The following NELL1 variants were observed in gnomAD, a reference collection of about 807,000 sequenced individuals.
The protein encoded by NELL1 is protein kinase C-binding protein NELL1.
NELL1 carries 76 observed loss-of-function variants against 107.4 expected under a neutral mutation model. The observed-to-expected ratio is 0.71, with a 90% CI of 0.59 to 0.86. NELL1 has a LOEUF of 0.86. Among genes scored for constraint, NELL1 ranks in the 40% least tolerant of loss-of-function variants. The pLI, the probability that NELL1 is intolerant of heterozygous loss-of-function variation, is 0.00. For synonymous variants in NELL1, 353 were observed against 341.2 expected, an observed-to-expected ratio of 1.03 and a Z score of -0.38; for missense variants, 1,024 against 1,005.5, an observed-to-expected ratio of 1.02 and a Z score of -0.25.
intron 2 of NELL1, among the ~76,000 whole-genome samples, chr11:20,755,865 GTTTTTTTTTTTTTTTTTTTTTTT>G (rs574606148): frequency 6.6e-5 from 8 of 122,066 alleles, no homozygotes; most frequent in African/African-American, 1.7e-4. Context: ...CAGACCTGCG[GTTTTTTTTTTTTTTTTTTTTTTT>G]TTTTTTTTTT....
At chr11:21,404,208 A>G (rs1401775511) in intron 15 of NELL1, among the ~76,000 whole-genome samples, 2 of 151,930 alleles carry the variant, frequency 1.3e-5, no homozygotes, top group Middle Eastern at 3.4e-3. Context: ...GATTGCAAAC[A>G]ATATCTCAGT....
intron 5 of NELL1, among the ~76,000 whole-genome samples, chr11:20,895,651 G>A (rs1849720259): frequency 6.6e-6 from 1 of 151,874 alleles, no homozygotes; most frequent in African/African-American, 2.4e-5. Flanking sequence ...GATTACAGGT[G>A]TGTGCCACCA....
intron 13 of NELL1, among the ~76,000 whole-genome samples, chr11:21,192,137 G>A (rs76715938): frequency 0.064 from 9,684 of 151,624 alleles, 409 homozygotes; most frequent in Non-Finnish European, 0.093. Context: ...ATTTCATATG[G>A]CAGGGATGTG....
chr11:20,859,422 G>A (rs935959637), intron 4 of NELL1, among the ~76,000 whole-genome samples: 2 of 152,166 alleles, frequency 1.3e-5, no homozygotes, highest in African/African-American at 4.8e-5. Context: ...CATTGTCCTT[G>A]TAAGATTTGT....
At chr11:21,165,411 A>T (rs1670639) in intron 13 of NELL1, among the ~76,000 whole-genome samples, 4 of 152,220 alleles carry the variant, frequency 2.6e-5, no homozygotes, top group African/African-American at 9.6e-5. Flanking sequence ...TCTAAGAGGC[A>T]ACTTGACAAT....
intron 2 of NELL1, among the ~76,000 whole-genome samples, chr11:20,766,616 T>C (rs1005907447): frequency 6.6e-6 from 1 of 152,226 alleles, no homozygotes; most frequent in Non-Finnish European, 1.5e-5. Flanking sequence ...TTTGAATCTC[T>C]CTTTTGTCAA....
At chr11:21,230,789 T>G (rs1214209824) in intron 14 of NELL1, among the ~76,000 whole-genome samples, 2 of 146,164 alleles carry the variant, frequency 1.4e-5, no homozygotes, top group Non-Finnish European at 3.0e-5. Flanking sequence ...AATACATGAC[T>G]ATGAGTGTAA....
intron 14 of NELL1, among the ~76,000 whole-genome samples, chr11:21,313,672 G>A (rs1246447366): frequency 2.6e-5 from 4 of 152,130 alleles, no homozygotes; most frequent in Non-Finnish European, 5.9e-5. Context: ...TTGCTGGTGG[G>A]GGCTCACAGC....
chr11:21,505,950 C>G (rs1399165509), intron 15 of NELL1, among the ~76,000 whole-genome samples: 1 of 152,134 alleles, frequency 6.6e-6, no homozygotes, highest in African/African-American at 2.4e-5. Flanking sequence ...GAGTTTTCTC[C>G]TGGGTGCATA....
At chr11:20,733,474 G>T (rs1396807482) in intron 2 of NELL1, among the ~76,000 whole-genome samples, 2 of 152,230 alleles carry the variant, frequency 1.3e-5, no homozygotes, top group African/African-American at 4.8e-5. Context: ...GCTGGGAGAA[G>T]CAGGAACAGA....
At chr11:21,174,488 A>G (rs1260033919) in intron 13 of NELL1, among the ~76,000 whole-genome samples, 2 of 151,732 alleles carry the variant, frequency 1.3e-5, no homozygotes, top group Non-Finnish European at 2.9e-5. Flanking sequence ...CTAGCCCACT[A>G]TTTTTCATTT....
chr11:20,848,796 A>G (rs1449933615), intron 4 of NELL1, among the ~76,000 whole-genome samples: 2 of 152,182 alleles, frequency 1.3e-5, no homozygotes, highest in African/African-American at 4.8e-5. Context: ...CTAGCTCTGC[A>G]GTCTCTTTTA....
chr11:20,831,098 G>A (rs771226242), intron 3 of NELL1, among the ~76,000 whole-genome samples: 5 of 152,216 alleles, frequency 3.3e-5, no homozygotes, highest in Non-Finnish European at 7.3e-5. Flanking sequence ...CTGAACATGT[G>A]AGTAAGTTTC....
intron 12 of NELL1, among the ~76,000 whole-genome samples, chr11:21,086,872 C>T (rs967189559): frequency 7.0e-6 from 1 of 143,644 alleles, no homozygotes; most frequent in African/African-American, 2.6e-5. Context: ...CACTCTGTCG[C>T]CCAGGCTGCA....
chr11:21,572,693 A>G (rs1027632446), intron 18 of NELL1, among the ~76,000 whole-genome samples: 1 of 151,894 alleles, frequency 6.6e-6, no homozygotes, highest in Non-Finnish European at 1.5e-5. Context: ...ACATTGCCCA[A>G]TCTTAACTTT....
chr11:21,038,865 A>T (rs1853159153), intron 12 of NELL1, among the ~76,000 whole-genome samples: 1 of 152,192 alleles, frequency 6.6e-6, no homozygotes, highest in African/African-American at 2.4e-5. Flanking sequence ...TTTATTTCAG[A>T]TGATTTTTTT....
rs571359197 is a variant in NELL1 at position 21,103,018 on chromosome 11, G to A, written c.1301-10571G>A. ...TTCATCTAAGGACTCTCTACATGGCGAAATACATGAAAAAGTAACGTAACT... is the reference window on the plus strand; with the variant it reads ...TTCATCTAAGGACTCTCTACATGGCAAAATACATGAAAAAGTAACGTAACT... On this transcript the variant is annotated intron_variant, in intron 12 of 19. Transcript: ENST00000357134. 3.3e-5 allele frequency among the ~76,000 whole-genome samples: 5 copies of A among 152,248 alleles called. No homozygotes were observed. The East Asian group carries it at 5.8e-4, about 18-fold the overall frequency.
At chr11:21,143,550 T>A (rs1218297662) in intron 13 of NELL1, among the ~76,000 whole-genome samples, 1 of 152,174 alleles carries the variant, frequency 6.6e-6, no homozygotes, top group Admixed American at 6.5e-5. Context: ...ATTTGTTAAG[T>A]TGGCATAGTG....
At chr11:20,786,856 A>C (rs901510744) in intron 3 of NELL1, among the ~76,000 whole-genome samples, 1 of 151,622 alleles carries the variant, frequency 6.6e-6, no homozygotes, top group African/African-American at 2.4e-5. Flanking sequence ...AAAATACAAA[A>C]AATTAGCCGG....
Sources: gnomAD v4.1 joint callset for allele counts (sites outside exome capture counted in the v4.1 genomes callset) on GRCh38, gnomAD v4.1.1 for gene constraint, MANE v1.5 for transcripts, NCBI Gene and HGNC (gene_info 2026-07-23, HGNC 2026-07-21) for gene names.